Variants in PLPP1 observed in about 807,000 individuals in gnomAD.
The protein encoded by PLPP1 is lipid phosphate phosphohydrolase 1a.
Under a neutral mutation model 31.2 loss-of-function variants are expected in PLPP1, and 24 were observed. The ratio of observed to expected loss-of-function variants is 0.77; its 90% CI spans 0.56 to 1.08. PLPP1 has a LOEUF of 1.08. Ranked by LOEUF, PLPP1 falls within the 50% of genes least tolerant of loss-of-function variation. The probability of loss-of-function intolerance (pLI) is 0.00; values close to 1 mark genes in which losing one functional copy is unlikely to be tolerated. For missense variants in PLPP1, 319 were observed against 342.7 expected, an observed-to-expected ratio of 0.93 and a Z score of 0.55; for synonymous variants, 146 against 126.3, an observed-to-expected ratio of 1.16 and a Z score of -1.05.
At chr5:55,474,381 AT>A (rs1752491521) in intron 2 of PLPP1, among the ~76,000 whole-genome samples, 1 of 152,238 alleles carries the variant, frequency 6.6e-6, no homozygotes, top group South Asian at 2.1e-4. Flanking sequence ...TGCTGGAACC[AT>A]AATATTACAA....
At chr5:55,452,006 GA>G (rs913770611) in intron 3 of PLPP1, among the ~76,000 whole-genome samples, 1 of 151,700 alleles carries the variant, frequency 6.6e-6, no homozygotes, top group Non-Finnish European at 1.5e-5. Context: ...ACAAGTATAG[GA>G]AAAAAAACAT....
chr5:55,441,177 T>C (rs2111705753), intron 4 of PLPP1, among the ~76,000 whole-genome samples: 1 of 152,328 alleles, frequency 6.6e-6, no homozygotes, highest in East Asian at 1.9e-4. Context: ...CTCAAAAAAC[T>C]ACATATTCAT....
chr5:55,509,388 C>T (rs143325148), intron 1 of PLPP1, among the ~76,000 whole-genome samples: 1 of 152,248 alleles, frequency 6.6e-6, no homozygotes, highest in African/African-American at 2.4e-5. Context: ...GAACAGTGCA[C>T]CCTCAACTTT....
At chr5:55,526,400 T>C (rs1740434469) in intron 1 of PLPP1, among the ~76,000 whole-genome samples, 1 of 152,144 alleles carries the variant, frequency 6.6e-6, no homozygotes, top group Admixed American at 6.5e-5. Flanking sequence ...TAGAGCCAAA[T>C]AGCAGCAATT....
In PLPP1 at chr5:55,534,769, G is replaced by T; in HGVS notation, c.-140C>A. 2 of 902,246 alleles carry T rather than the reference G, an allele frequency of 2.2e-6. No homozygotes were observed. Among genetic ancestry groups the T allele is most frequent in the Non-Finnish European group, 3.2e-6 (2 of 632,810 alleles). 55.9% of individuals were successfully genotyped at this position (902,246 alleles called of 1,614,324 possible). A position where few individuals can be genotyped will look rare whatever the true frequency, so the allele number is the denominator to read the frequency against. ...TCCCAGCCGGAGGAGGAGAGCAGCC[G>T]AGGGCGGGCTGAGACCGGGCGGCGC... On this transcript the variant is annotated 5_prime_UTR_variant, in exon 1 of 6. Coordinates refer to ENST00000307259, the MANE Select transcript of PLPP1 (RefSeq NM_003711.4).
rs190473388 is a variant in PLPP1, at chr5:55,526,079, T to A, written c.58+8493A>T. Among the ~76,000 whole-genome samples, 540 of 151,314 alleles carry A rather than the reference T, an allele frequency of 3.6e-3. 2 individuals carry two copies. The highest frequency in any genetic ancestry group is 0.012 in the African/African-American group (491 of 41,262). On this transcript the variant is annotated intron_variant, in intron 1 of 5. Transcript: ENST00000307259. ...TGACTTTTGCTGCCAACTTCTTTTTTTAAAAAAAAAAATAGGCAAACATTG... is the reference window on the plus strand; with the variant it reads ...TGACTTTTGCTGCCAACTTCTTTTTATAAAAAAAAAAATAGGCAAACATTG...
chr5:55,485,091 T>G (rs1752748753), intron 1 of PLPP1: 1 of 152,184 alleles, frequency 6.6e-6, no homozygotes, highest in African/African-American at 2.4e-5. Flanking sequence ...GTAAAATGAT[T>G]TCCTGAGCTC....
At position 55,425,174 on chromosome 5, in the gene PLPP1, AG is replaced by A. The variant is rs1270253482; in HGVS notation, c.*31del. On this transcript the variant is annotated 3_prime_UTR_variant, in exon 6 of 6. Transcript: ENST00000307259. ...TGGCAATCATTTTCCTTTAGAAAAC[AG>A]GCCAGCTTCACCTGGGCACCCTGCT... 1 of 1,593,560 alleles carries A rather than the reference AG, an allele frequency of 6.3e-7. No homozygotes were observed. The highest frequency in any genetic ancestry group is 2.2e-5 in the East Asian group (1 of 44,746).
At chr5:55,480,689 C>T (rs1752651084) in intron 1 of PLPP1, among the ~76,000 whole-genome samples, 1 of 152,096 alleles carries the variant, frequency 6.6e-6, no homozygotes, top group Admixed American at 6.6e-5. Context: ...ACCCACTCAC[C>T]AGTTAATGGA....
chr5:55,491,873 A>AAAG (rs1752898836), intron 1 of PLPP1, among the ~76,000 whole-genome samples: 3 of 143,430 alleles, frequency 2.1e-5, no homozygotes, highest in South Asian at 2.3e-4. Flanking sequence ...AAAAAAAAAA[A>AAAG]AAAGAAAGAA....
Position 55,514,053 on chromosome 5 carries a change from GA to G in PLPP1, c.58+20518del, listed in dbSNP as rs528884341. 6.8e-3 allele frequency among the ~76,000 whole-genome samples: 1,029 copies of G among 151,976 alleles called. 9 individuals carry two copies. Among genetic ancestry groups the G allele is most frequent in the African/African-American group, 0.023 (933 of 41,444 alleles). The stretch of plus-strand genomic sequence containing the variant: ...TATCTCAGTGTTCAAAATATGTGTA[GA>G]AAAAAAATTCGAAAATCAAAAATAC... On this transcript the variant is annotated intron_variant, in intron 1 of 5. Coordinates refer to ENST00000307259, the MANE Select transcript of PLPP1 (RefSeq NM_003711.4).
At chr5:55,460,990 G>A (rs533795445) in intron 3 of PLPP1, among the ~76,000 whole-genome samples, 2 of 152,260 alleles carry the variant, frequency 1.3e-5, no homozygotes, top group South Asian at 2.1e-4. Flanking sequence ...TTCAAGACCA[G>A]CCTGTGCAAC....
chr5:55,478,449 GGTGATATCTCTGAGT>G (rs1752603520), intron 1 of PLPP1, among the ~76,000 whole-genome samples: 2 of 152,168 alleles, frequency 1.3e-5, no homozygotes, highest in Admixed American at 6.6e-5. Flanking sequence ...AAGGAGAGTT[GGTGATATCTCTGAGT>G]GTGATATTCG....
intron 3 of PLPP1, among the ~76,000 whole-genome samples, chr5:55,456,090 G>C (rs976793555): frequency 3.3e-5 from 5 of 151,948 alleles, no homozygotes; most frequent in African/African-American, 1.2e-4. Context: ...TTCTAATATT[G>C]CAAGTATATA....
intron 1 of PLPP1, among the ~76,000 whole-genome samples, chr5:55,477,877 G>C (rs1307823424): frequency 6.6e-6 from 1 of 151,962 alleles, no homozygotes; most frequent in Non-Finnish European, 1.5e-5. Flanking sequence ...CTACTTAGGA[G>C]GCTGAGGCAG....
intron 1 of PLPP1, among the ~76,000 whole-genome samples, chr5:55,481,486 G>A (rs1365627218): frequency 6.6e-6 from 1 of 152,088 alleles, no homozygotes; most frequent in Non-Finnish European, 1.5e-5. Flanking sequence ...GGGATACACT[G>A]CCTTGGGGAT....
intron 3 of PLPP1, among the ~76,000 whole-genome samples, chr5:55,454,654 A>ATCTTTAAGTCACAT (rs1287283271): frequency 3.3e-5 from 5 of 152,220 alleles, no homozygotes; most frequent in Admixed American, 3.3e-4. Context: ...AGAGGTACTG[A>ATCTTTAAGTCACAT]TCTTTAAGTC....
chr5:55,431,811 G>A (rs1376204436), intron 4 of PLPP1, among the ~76,000 whole-genome samples: 1 of 152,170 alleles, frequency 6.6e-6, no homozygotes, highest in African/African-American at 2.4e-5. Flanking sequence ...AACAAAAAAA[G>A]TTGCTTTTAT....
intron 1 of PLPP1, among the ~76,000 whole-genome samples, chr5:55,522,127 G>A (rs368525336): frequency 1.3e-5 from 2 of 152,126 alleles, no homozygotes; most frequent in South Asian, 2.1e-4. Flanking sequence ...ACTAAATCAC[G>A]AGATTCTAAC....
Sources: allele counts gnomAD v4.1 joint callset (sites outside exome capture counted in the v4.1 genomes callset), GRCh38; gene constraint gnomAD v4.1.1; transcripts MANE v1.5; gene names NCBI Gene and HGNC (gene_info 2026-07-23, HGNC 2026-07-21).